The following SLC15A1 variants were observed in gnomAD, a reference collection of about 807,000 sequenced individuals.
SLC15A1 encodes Caco-2 oligopeptide transporter.
SLC15A1 carries 83 observed loss-of-function variants against 92.9 expected under a neutral mutation model. The ratio of observed to expected loss-of-function variants is 0.89; its 90% CI spans 0.75 to 1.07. The LOEUF is 1.07. Among genes scored for constraint, SLC15A1 ranks in the 50% least tolerant of loss-of-function variants. SLC15A1 has a pLI of 0.00. For synonymous variants in SLC15A1, 322 were observed against 318.2 expected, an observed-to-expected ratio of 1.01 and a Z score of -0.13; for missense variants, 857 against 880.1, an observed-to-expected ratio of 0.97 and a Z score of 0.33.
At chr13:98,724,491 G>A (rs1309944995) in intron 4 of SLC15A1, among the ~76,000 whole-genome samples, 5 of 152,250 alleles carry the variant, frequency 3.3e-5, no homozygotes, top group Non-Finnish European at 4.4e-5. Context: ...GTGACAGAGC[G>A]AGACCCTGTC....
chr13:98,693,096 T>C (rs1455071859), intron 18 of SLC15A1, among the ~76,000 whole-genome samples: 8 of 135,472 alleles, frequency 5.9e-5, no homozygotes, highest in Non-Finnish European at 1.3e-4. Flanking sequence ...CGTTTTTTTT[T>C]TTTTTTTTTT....
intron 14 of SLC15A1, 113 bp from the exon 15 acceptor site, chr13:98,708,880 C>T: frequency 1.6e-6 from 1 of 611,148 alleles, no homozygotes; most frequent in African/African-American, 1.9e-5. Flanking sequence ...AAAACATGGG[C>T]TTGAAAGCAC....
chr13:98,728,420 A>C (rs1470983851), intron 1 of SLC15A1, among the ~76,000 whole-genome samples: 8 of 152,172 alleles, frequency 5.3e-5, no homozygotes, highest in Non-Finnish European at 1.0e-4. Flanking sequence ...AATACAGATG[A>C]AACTGGAGGA....
chr13:98,747,043 G>C (rs553820784), intron 1 of SLC15A1, among the ~76,000 whole-genome samples: 1 of 152,198 alleles, frequency 6.6e-6, no homozygotes, highest in African/African-American at 2.4e-5. Flanking sequence ...CCCCACCCCG[G>C]CTGACACAGC....
chr13:98,729,887 C>T (rs553827844), intron 1 of SLC15A1, among the ~76,000 whole-genome samples: 155 of 152,240 alleles, frequency 1.0e-3, no homozygotes, highest in African/African-American at 3.5e-3. Context: ...GGCGTGGCCC[C>T]AGGGGCCTCC....
chr13:98,726,205 T>C lies in SLC15A1; in HGVS notation c.163A>G (p.Ile55Val). The change falls in exon 4 of 23, where the codon ATC becomes GTC. Residue 55 changes from isoleucine to valine, a missense_variant. Physicochemically the swap from Ile to Val is conservative, Grantham distance 29. Coordinates refer to ENST00000376503, the MANE Select transcript of SLC15A1 (RefSeq NM_005073.4). Reference protein sequence around the residue: ...ISWDDNLSTAIYHTFVALCYL... With the variant: ...ISWDDNLSTAVYHTFVALCYL... ...CACAGAGCCACAAACGTATGGTAGA[T>C]GGCGGTGGACAGGTTATCATCCCAG... 1 of 1,614,050 alleles carries C rather than the reference T, an allele frequency of 6.2e-7. No homozygotes were observed. Among genetic ancestry groups the C allele is most frequent in the Non-Finnish European group, 8.5e-7 (1 of 1,179,994 alleles).
intron 18 of SLC15A1, among the ~76,000 whole-genome samples, chr13:98,695,952 C>A (rs1490923496): frequency 6.6e-6 from 1 of 152,090 alleles, no homozygotes; most frequent in Non-Finnish European, 1.5e-5. Flanking sequence ...TAGAGCCTCA[C>A]TGAAATAATA....
chr13:98,746,728 A>C (rs1341462673), intron 1 of SLC15A1, among the ~76,000 whole-genome samples: 5 of 152,118 alleles, frequency 3.3e-5, no homozygotes, highest in Non-Finnish European at 7.4e-5. Flanking sequence ...TCTGAACCAA[A>C]ATTCCCTCTG....
At position 98,752,634 on chromosome 13, in the gene SLC15A1, G is replaced by T; in HGVS notation, c.-36C>A. 2 of 1,251,454 alleles carry T rather than the reference G, an allele frequency of 1.6e-6. No individual in the cohort carries two copies. The highest frequency in any genetic ancestry group is 2.0e-6 in the Non-Finnish European group (2 of 997,578). 77.5% of individuals were successfully genotyped at this position (1,251,454 alleles called of 1,614,324 possible). A position where few individuals can be genotyped will look rare whatever the true frequency, so the allele number is the denominator to read the frequency against. Reference sequence around the variant, plus strand: ...CCCAGGGCTCCTGCGACCTGCCGGCGGGACGTGCTCCTGGCAGGTGCTACT... The same window carrying T: ...CCCAGGGCTCCTGCGACCTGCCGGCTGGACGTGCTCCTGGCAGGTGCTACT... On this transcript the variant is annotated 5_prime_UTR_variant, in exon 1 of 23. Transcript: ENST00000376503.
At chr13:98,745,605 C>T (rs2088486256) in intron 1 of SLC15A1, among the ~76,000 whole-genome samples, 1 of 152,082 alleles carries the variant, frequency 6.6e-6, no homozygotes, top group South Asian at 2.1e-4. Context: ...TGTCCGCAAG[C>T]CAAGGAATGC....
chr13:98,722,714 C>T (rs2088270193), intron 5 of SLC15A1, among the ~76,000 whole-genome samples: 1 of 152,204 alleles, frequency 6.6e-6, no homozygotes, highest in Non-Finnish European at 1.5e-5. Flanking sequence ...CCTGAATTGG[C>T]TGGCCAAATC....
At chr13:98,701,166 A>G (rs1247739059) in intron 18 of SLC15A1, among the ~76,000 whole-genome samples, 1 of 152,222 alleles carries the variant, frequency 6.6e-6, no homozygotes, top group Non-Finnish European at 1.5e-5. Flanking sequence ...ATCAATGAAT[A>G]CAGCTGTCTC....
At chr13:98,697,102 C>T (rs1472778275) in intron 18 of SLC15A1, among the ~76,000 whole-genome samples, 4 of 152,150 alleles carry the variant, frequency 2.6e-5, no homozygotes, top group Non-Finnish European at 4.4e-5. Context: ...GTCACCCAGG[C>T]TGGAGTGCAG....
At chr13:98,744,360 T>C (rs2088475070) in intron 1 of SLC15A1, among the ~76,000 whole-genome samples, 1 of 150,464 alleles carries the variant, frequency 6.6e-6, no homozygotes, top group Non-Finnish European at 1.5e-5. Flanking sequence ...TTTTTAATGG[T>C]AAATCATGAC....
At position 98,686,183 on chromosome 13, in the gene SLC15A1, G is replaced by A. The variant is rs778528979; in HGVS notation, c.1935+7C>T. ...AGGTATGTGCAATCTCCTCTCCCAC[G>A]CCATACCTGTTTGCTGAACTGGCCT... On this transcript the variant is annotated splice_region_variant and intron_variant, in intron 22 of 22. Transcript: ENST00000376503. 1.1e-5 allele frequency: 18 copies of A among 1,601,502 alleles called. No homozygotes were observed. The highest frequency in any genetic ancestry group is 3.3e-5 in the Admixed American group (2 of 59,810).
chr13:98,719,543 T>C (rs2088237657), intron 7 of SLC15A1, among the ~76,000 whole-genome samples: 2 of 152,142 alleles, frequency 1.3e-5, no homozygotes, highest in Non-Finnish European at 2.9e-5. Context: ...AATAGATGGG[T>C]GTTCCCAGCT....
intron 14 of SLC15A1, 75 bp downstream of exon 14, chr13:98,709,497 C>T: frequency 8.2e-7 from 1 of 1,213,534 alleles, no homozygotes. Context: ...GGAAGGGCTG[C>T]AGGCTGAGCG....
chr13:98,705,411 T>C (rs1349612211), intron 16 of SLC15A1, among the ~76,000 whole-genome samples: 3 of 152,114 alleles, frequency 2.0e-5, no homozygotes, highest in Non-Finnish European at 2.9e-5. Flanking sequence ...CATCCCTGGC[T>C]TCTACATGAG....
At chr13:98,746,944 G>T (rs966191913) in intron 1 of SLC15A1, among the ~76,000 whole-genome samples, 1 of 152,110 alleles carries the variant, frequency 6.6e-6, no homozygotes, top group South Asian at 2.1e-4. Flanking sequence ...ACTTCCCAAC[G>T]GCTGAGCCTG....
Sources: allele counts gnomAD v4.1 joint callset (sites outside exome capture counted in the v4.1 genomes callset), GRCh38; gene constraint gnomAD v4.1.1; transcripts MANE v1.5; gene names NCBI Gene and HGNC (gene_info 2026-07-23, HGNC 2026-07-21).